Variants in PKHD1 observed in about 807,000 individuals in gnomAD.
PKHD1 encodes PKHD1 ciliary IPT domain containing fibrocystin/polyductin.
Under a neutral mutation model 412.0 loss-of-function variants are expected in PKHD1, and 291 were observed. The observed-to-expected ratio is 0.71, with a 90% CI of 0.64 to 0.78. PKHD1 has a LOEUF of 0.78. PKHD1 is among the 30% of genes least tolerant of loss of function. The probability of loss-of-function intolerance (pLI) is 0.00; values close to 1 mark genes in which losing one functional copy is unlikely to be tolerated. For missense variants in PKHD1, 4,825 were observed against 4,950.7 expected (o/e 0.97, Z 0.76); for synonymous variants, 1,777 against 1,821.5 (o/e 0.98, Z 0.62).
At chr6:52,017,712 T>C in intron 33 of PKHD1, 83 bp from the exon 34 acceptor site, 1 of 1,016,312 alleles carries the variant, frequency 9.8e-7, no homozygotes, top group East Asian at 2.4e-5. Context: ...AGTTCCTGTG[T>C]CCTCCTTTGA....
At chr6:51,974,349 C>A (rs899082481) in intron 35 of PKHD1, among the ~76,000 whole-genome samples, 3 of 152,220 alleles carry the variant, frequency 2.0e-5, no homozygotes, top group Admixed American at 6.5e-5. Flanking sequence ...TTAAGCTTCT[C>A]ATCTGGGCAA....
At chr6:51,650,140 G>A (rs1212531987) in intron 61 of PKHD1, among the ~76,000 whole-genome samples, 4 of 152,180 alleles carry the variant, frequency 2.6e-5, no homozygotes, top group Non-Finnish European at 4.4e-5. Flanking sequence ...CTTTGAACAT[G>A]TTAAGTGCTG....
intron 63 of PKHD1, among the ~76,000 whole-genome samples, chr6:51,639,618 G>A (rs533579506): frequency 8.7e-4 from 132 of 151,942 alleles, no homozygotes; most frequent in African/African-American, 2.5e-3. Context: ...AAACCCTTGC[G>A]TCTTCTAACA....
At chr6:52,004,279 A>C (rs921146641) in intron 35 of PKHD1, among the ~76,000 whole-genome samples, 3 of 152,148 alleles carry the variant, frequency 2.0e-5, no homozygotes, top group African/African-American at 7.2e-5. Context: ...ATCTAATATT[A>C]TCTAGTGAAA....
chr6:51,779,297 C>G (rs764425693), intron 53 of PKHD1, among the ~76,000 whole-genome samples: 60 of 152,246 alleles, frequency 3.9e-4, no homozygotes, highest in Non-Finnish European at 6.3e-4. Flanking sequence ...CCTCTGCCCC[C>G]CTCTGCCTTC....
intron 60 of PKHD1, among the ~76,000 whole-genome samples, chr6:51,717,706 C>A (rs1197158829): frequency 6.6e-6 from 1 of 152,084 alleles, no homozygotes; most frequent in Non-Finnish European, 1.5e-5. Flanking sequence ...CTCCTCAGAA[C>A]ATATCACCAT....
At chr6:51,631,105 C>T (rs1444356481) in intron 65 of PKHD1, among the ~76,000 whole-genome samples, 1 of 151,988 alleles carries the variant, frequency 6.6e-6, no homozygotes, top group Non-Finnish European at 1.5e-5. Context: ...GAGGTTAGAC[C>T]TTAGGGAGAG....
rs1295177612 is a variant in PKHD1 at position 51,839,065 on chromosome 6, C to G, written c.8108-2596G>C. 2.0e-5 allele frequency among the ~76,000 whole-genome samples: 3 copies of G among 152,170 alleles called. No homozygotes were observed. The East Asian group carries it at 5.8e-4, about 29-fold the overall frequency. On this transcript the variant is annotated intron_variant, in intron 50 of 66. Transcript: ENST00000371117. Reference sequence around the variant, plus strand: ...TACTCTTTTTACAGCTGTATCTAATCATGATGAGCTGTAGTATTACAGAGT... The same window carrying G: ...TACTCTTTTTACAGCTGTATCTAATGATGATGAGCTGTAGTATTACAGAGT...
chr6:52,043,447 C>G (rs149678974), intron 26 of PKHD1, among the ~76,000 whole-genome samples, 178 bp downstream of exon 26: 83 of 152,320 alleles, frequency 5.4e-4, no homozygotes, highest in Non-Finnish European at 1.1e-3. Context: ...CTCCCCATTT[C>G]AAATCATGAC....
chr6:51,873,088 C>T (rs1178540792), intron 46 of PKHD1, among the ~76,000 whole-genome samples: 2 of 152,108 alleles, frequency 1.3e-5, no homozygotes, highest in Non-Finnish European at 2.9e-5. Flanking sequence ...TAAGCATAAA[C>T]TCTGGATTGT....
chr6:52,081,883 C>CATGTCTAGTCTAA (rs1314823790), intron 4 of PKHD1, among the ~76,000 whole-genome samples: 1 of 151,982 alleles, frequency 6.6e-6, no homozygotes, highest in Non-Finnish European at 1.5e-5. Context: ...TAAAAATGAA[C>CATGTCTAGTCTAA]ATGAACTAGT....
intron 60 of PKHD1, among the ~76,000 whole-genome samples, chr6:51,743,831 G>A (rs1465232441): frequency 6.6e-6 from 1 of 152,156 alleles, no homozygotes; most frequent in East Asian, 1.9e-4. Flanking sequence ...GATCTCTCCA[G>A]GGGTCCAGCC....
chr6:51,828,869 G>A (rs1248504425), intron 52 of PKHD1, among the ~76,000 whole-genome samples: 1 of 152,070 alleles, frequency 6.6e-6, no homozygotes, highest in African/African-American at 2.4e-5. Context: ...AGCAGCTCCT[G>A]CATAAGACCC....
At chr6:51,662,346 A>T (rs1451705344) in intron 60 of PKHD1, among the ~76,000 whole-genome samples, 1 of 151,888 alleles carries the variant, frequency 6.6e-6, no homozygotes, top group East Asian at 1.9e-4. Flanking sequence ...CCACACACAC[A>T]CGCACACACA....
intron 16 of PKHD1, among the ~76,000 whole-genome samples, chr6:52,058,047 G>A (rs1212017616): frequency 6.6e-6 from 1 of 152,212 alleles, no homozygotes; most frequent in African/African-American, 2.4e-5. Flanking sequence ...CGTGTGTTTA[G>A]AGGACCTTGT....
chr6:51,930,388 A>T (rs1459220596), intron 37 of PKHD1, among the ~76,000 whole-genome samples: 4 of 152,122 alleles, frequency 2.6e-5, no homozygotes, highest in Admixed American at 2.0e-4. Context: ...GTGGGTGTAT[A>T]TGTGCAGCTG....
chr6:51,736,486 T>A (rs963683813), intron 60 of PKHD1, among the ~76,000 whole-genome samples: 1 of 152,200 alleles, frequency 6.6e-6, no homozygotes, highest in African/African-American at 2.4e-5. Flanking sequence ...CCCTTGCAGC[T>A]GCGAATCCCA....
At chr6:51,950,876 C>A (rs1790269570) in intron 36 of PKHD1, among the ~76,000 whole-genome samples, 1 of 152,136 alleles carries the variant, frequency 6.6e-6, no homozygotes, top group Non-Finnish European at 1.5e-5. Flanking sequence ...TTCTGAAGGT[C>A]ACGGTGAAGT....
intron 5 of PKHD1, 90 bp from the exon 6 acceptor site, chr6:52,076,423 G>T: frequency 1.1e-6 from 1 of 914,404 alleles, no homozygotes; most frequent in Admixed American, 1.7e-5. Flanking sequence ...AGCATTACTT[G>T]AAGGTAATAA....
Sources: allele counts gnomAD v4.1 joint callset (sites outside exome capture counted in the v4.1 genomes callset), GRCh38; gene constraint gnomAD v4.1.1; transcripts MANE v1.5; gene names NCBI Gene and HGNC (gene_info 2026-07-23, HGNC 2026-07-21).